The following LRFN5 variants were observed in gnomAD, a reference collection of about 807,000 sequenced individuals.
The protein encoded by LRFN5 is leucine-rich repeat and fibronectin type-III domain-containing protein 5.
In LRFN5, 24 loss-of-function variants were observed where a neutral mutation model predicts 45.6. That is an observed-to-expected ratio of 0.53 (90% confidence interval 0.38 to 0.74). The LOEUF is 0.74. Ranked by LOEUF, LRFN5 falls within the 30% of genes least tolerant of loss-of-function variation. LRFN5 has a pLI of 0.00. For synonymous variants in LRFN5, 340 were observed against 313.8 expected (o/e 1.08, Z -0.88); for missense variants, 776 against 861.5 (o/e 0.90, Z 1.24).
chr14:41,684,866 C>T (rs1312457647), intron 1 of LRFN5, among the ~76,000 whole-genome samples: 2 of 152,040 alleles, frequency 1.3e-5, no homozygotes, highest in African/African-American at 4.8e-5. Context: ...AAGTGGTAAT[C>T]CAGGGAATGT....
At chr14:41,855,535 G>C (rs1406077473) in intron 2 of LRFN5, among the ~76,000 whole-genome samples, 1 of 152,084 alleles carries the variant, frequency 6.6e-6, no homozygotes, top group Non-Finnish European at 1.5e-5. Flanking sequence ...AGTTGGACAA[G>C]AATGTCGTAG....
intron 2 of LRFN5, among the ~76,000 whole-genome samples, chr14:41,865,466 A>C (rs188826103): frequency 6.6e-6 from 1 of 152,204 alleles, no homozygotes; most frequent in African/African-American, 2.4e-5. Context: ...TAATCCATTC[A>C]TCAGCCGATA....
At chr14:41,830,526 TC>T (rs1179981645) in intron 2 of LRFN5, among the ~76,000 whole-genome samples, 1 of 152,166 alleles carries the variant, frequency 6.6e-6, no homozygotes, top group African/African-American at 2.4e-5. Flanking sequence ...AATACACCCT[TC>T]TATATCAGTC....
At chr14:41,673,972 G>T (rs1299192138) in intron 1 of LRFN5, among the ~76,000 whole-genome samples, 1 of 147,510 alleles carries the variant, frequency 6.8e-6, no homozygotes, top group African/African-American at 2.5e-5. Flanking sequence ...CCTCCCGGAC[G>T]GGGTGGCTGC....
chr14:41,697,974 G>T (rs1000032149), intron 1 of LRFN5, among the ~76,000 whole-genome samples: 1 of 151,856 alleles, frequency 6.6e-6, no homozygotes, highest in Non-Finnish European at 1.5e-5. Context: ...TCAGGAGATT[G>T]GTACAATTAA....
chr14:41,630,645 T>C (rs1327127052), intron 1 of LRFN5, among the ~76,000 whole-genome samples: 1 of 152,118 alleles, frequency 6.6e-6, no homozygotes, highest in African/African-American at 2.4e-5. Context: ...TTGCACTATA[T>C]ACTTTTGAGA....
At chr14:41,624,743 A>C (rs994425603) in intron 1 of LRFN5, among the ~76,000 whole-genome samples, 16 of 152,178 alleles carry the variant, frequency 1.1e-4, no homozygotes, top group Non-Finnish European at 2.1e-4. Context: ...AGCAAAAACA[A>C]AGAAGCAAAA....
intron 1 of LRFN5, among the ~76,000 whole-genome samples, chr14:41,758,025 G>GC (rs950851254): frequency 6.6e-6 from 1 of 152,068 alleles, no homozygotes. Context: ...TAAAAGTAGA[G>GC]CCCCCATGCA....
chr14:41,609,417 T>C (rs1887641343), intron 1 of LRFN5, among the ~76,000 whole-genome samples: 1 of 152,126 alleles, frequency 6.6e-6, no homozygotes, highest in Non-Finnish European at 1.5e-5. Context: ...CAGGTTGGAT[T>C]TGCGACTGCC....
intron 2 of LRFN5, among the ~76,000 whole-genome samples, chr14:41,814,175 T>C (rs1054126508): frequency 1.3e-5 from 2 of 152,174 alleles, no homozygotes; most frequent in African/African-American, 4.8e-5. Flanking sequence ...TTAGATCCCA[T>C]TTGTCAATTT....
chr14:41,719,194 A>G (rs1218091550), intron 1 of LRFN5, among the ~76,000 whole-genome samples: 2 of 152,134 alleles, frequency 1.3e-5, no homozygotes, highest in Non-Finnish European at 2.9e-5. Context: ...TTTTACTCTC[A>G]TCCTGGCTGT....
intron 1 of LRFN5, among the ~76,000 whole-genome samples, chr14:41,711,356 G>A (rs1284751470): frequency 6.6e-6 from 1 of 152,168 alleles, no homozygotes; most frequent in East Asian, 1.9e-4. Context: ...ACATGGTGCA[G>A]AGGACAGGGT....
chr14:41,830,377 A>G (rs1456254523), intron 2 of LRFN5, among the ~76,000 whole-genome samples: 1 of 152,158 alleles, frequency 6.6e-6, no homozygotes, highest in East Asian at 1.9e-4. Flanking sequence ...TCAAAGCTCA[A>G]TCTATTAAAT....
intron 2 of LRFN5, among the ~76,000 whole-genome samples, chr14:41,774,831 T>C (rs1461377880): frequency 6.6e-6 from 1 of 152,154 alleles, no homozygotes; most frequent in Non-Finnish European, 1.5e-5. Flanking sequence ...TGCTGACATG[T>C]AGGCGATATA....
At chr14:41,650,041 GT>G (rs1347909904) in intron 1 of LRFN5, among the ~76,000 whole-genome samples, 1 of 151,970 alleles carries the variant, frequency 6.6e-6, no homozygotes, top group East Asian at 1.9e-4. Context: ...TTTATTTTGC[GT>G]TTTAGTTAAA....
At chr14:41,721,836 T>C (rs1222255960) in intron 1 of LRFN5, among the ~76,000 whole-genome samples, 1 of 152,148 alleles carries the variant, frequency 6.6e-6, no homozygotes, top group Non-Finnish European at 1.5e-5. Context: ...GTCTGGGGAC[T>C]ATGTGTCTTG....
At chr14:41,872,713 G>C (rs1983824) in intron 2 of LRFN5, among the ~76,000 whole-genome samples, 151,987 of 152,328 alleles carry the variant, frequency 1, 75,824 homozygotes, top group Middle Eastern at 1. Context: ...GCAGCCTGCT[G>C]TGAAGTTCTC....
At position 41,642,963 on chromosome 14, in the gene LRFN5, A is replaced by C. The variant is rs1035585250; in HGVS notation, c.-197+34401A>C. 5.3e-5 allele frequency among the ~76,000 whole-genome samples: 8 copies of C among 152,314 alleles called. No homozygotes were observed. In the East Asian group the frequency reaches 1.5e-3, roughly 29 times the overall value. ...CTGTTACTTCATACTTCATTGTCAC[A>C]ATTTATACCATATATCTTAGCGCAA... On this transcript the variant is annotated intron_variant, in intron 1 of 5. Transcript: ENST00000298119.
At chr14:41,609,591 C>G (rs1045399879) in intron 1 of LRFN5, among the ~76,000 whole-genome samples, 1 of 152,222 alleles carries the variant, frequency 6.6e-6, no homozygotes, top group Non-Finnish European at 1.5e-5. Flanking sequence ...AATTTCACTC[C>G]TTTCTCGAAG....
Sources: gnomAD v4.1 joint callset for allele counts (sites outside exome capture counted in the v4.1 genomes callset) on GRCh38, gnomAD v4.1.1 for gene constraint, MANE v1.5 for transcripts, NCBI Gene and HGNC (gene_info 2026-07-23, HGNC 2026-07-21) for gene names.